ZBBX: variants seen among roughly 807,000 people sequenced by gnomAD.
The protein encoded by ZBBX is zinc finger B-box domain-containing protein 1.
Under a neutral mutation model 108.5 loss-of-function variants are expected in ZBBX, and 101 were observed. The ratio of observed to expected loss-of-function variants is 0.93; its 90% CI spans 0.79 to 1.10. The LOEUF (loss-of-function observed/expected upper bound fraction) is 1.10, where lower values mean the gene tolerates loss of function less well. ZBBX is among the 50% of genes least tolerant of loss of function. The pLI is 0.00. For synonymous variants in ZBBX, 356 were observed against 323.4 expected (o/e 1.10, Z -1.08); for missense variants, 1,009 against 941.4 (o/e 1.07, Z -0.94).
At chr3:167,356,879 A>G (rs943465806) in intron 8 of ZBBX, among the ~76,000 whole-genome samples, 9 of 152,176 alleles carry the variant, frequency 5.9e-5, no homozygotes, top group African/African-American at 2.2e-4. Flanking sequence ...CTCAGCTTTT[A>G]CTATTTTACA....
intron 2 of ZBBX, among the ~76,000 whole-genome samples, chr3:167,375,764 G>A (rs1337612972): frequency 6.6e-6 from 1 of 150,714 alleles, no homozygotes; most frequent in Non-Finnish European, 1.5e-5. Flanking sequence ...AACCTGAAAG[G>A]GTAGATCTTC....
At chr3:167,270,850 C>T (rs1398304220) in intron 20 of ZBBX, among the ~76,000 whole-genome samples, 1 of 152,208 alleles carries the variant, frequency 6.6e-6, no homozygotes, top group African/African-American at 2.4e-5. Context: ...CTCAACCCAG[C>T]AGGTTTCTTA....
At chr3:167,378,817 C>T (rs190235529) in intron 2 of ZBBX, among the ~76,000 whole-genome samples, 1 of 152,304 alleles carries the variant, frequency 6.6e-6, no homozygotes. Context: ...ATGCTCAATT[C>T]GAAGGCTGCC....
intron 8 of ZBBX, among the ~76,000 whole-genome samples, chr3:167,352,518 A>T (rs1675361946): frequency 1.3e-5 from 2 of 152,176 alleles, no homozygotes; most frequent in East Asian, 1.9e-4. Context: ...AAAAGCCAAG[A>T]TCAGACAGAT....
intron 11 of ZBBX, among the ~76,000 whole-genome samples, chr3:167,324,345 A>G (rs1394911221): frequency 1.3e-5 from 2 of 152,076 alleles, no homozygotes; most frequent in Admixed American, 1.3e-4. Context: ...AGGTCTCACT[A>G]CATTGCCCAG....
chr3:167,382,192 A>G (rs563347564), upstream of ZBBX, among the ~76,000 whole-genome samples: 1 of 152,344 alleles, frequency 6.6e-6, no homozygotes, highest in South Asian at 2.1e-4. Flanking sequence ...ATATTTAGAA[A>G]AATAGCTTAT....
chr3:167,384,676 A>T (rs1016501449), upstream of ZBBX, among the ~76,000 whole-genome samples: 2 of 152,076 alleles, frequency 1.3e-5, no homozygotes, highest in African/African-American at 4.8e-5. Context: ...TAGTATTGAG[A>T]GAGGCATTCA....
intron 9 of ZBBX, among the ~76,000 whole-genome samples, chr3:167,348,990 A>G: frequency 6.6e-6 from 1 of 152,064 alleles, no homozygotes; most frequent in Middle Eastern, 3.2e-3. Flanking sequence ...ACAATAAGCC[A>G]TATCACAGCA....
chr3:167,237,679 G>A (rs961400176), downstream of ZBBX, among the ~76,000 whole-genome samples: 44 of 151,986 alleles, frequency 2.9e-4, no homozygotes, highest in African/African-American at 1.0e-3. Context: ...GTGGTTATTG[G>A]AAGCAAATAA....
chr3:167,222,424 G>A, the ZBBX span, among the ~76,000 whole-genome samples: 2 of 151,778 alleles, frequency 1.3e-5, no homozygotes, highest in Non-Finnish European at 2.9e-5. Context: ...GGGTAGTGGA[G>A]GGTAGGAGGT....
chr3:167,322,492 C>T (rs1736610236), intron 11 of ZBBX, among the ~76,000 whole-genome samples: 1 of 151,886 alleles, frequency 6.6e-6, no homozygotes, highest in Non-Finnish European at 1.5e-5. Context: ...GTTAAAGCAA[C>T]TCATTCTTTT....
At chr3:167,274,952 G>A (rs916771657) in intron 20 of ZBBX, among the ~76,000 whole-genome samples, 19 of 152,142 alleles carry the variant, frequency 1.2e-4, no homozygotes, top group Admixed American at 3.3e-4. Context: ...AAAGAAAATT[G>A]CCTTGATGAG....
intron 9 of ZBBX, among the ~76,000 whole-genome samples, chr3:167,349,073 T>C (rs1742201220): frequency 6.6e-6 from 1 of 151,700 alleles, no homozygotes; most frequent in Non-Finnish European, 1.5e-5. Context: ...AAGAAGAAAA[T>C]CAAATTTGGA....
chr3:167,388,941 T>C (rs1160273722), intron 1 of ZBBX, among the ~76,000 whole-genome samples: 1 of 152,068 alleles, frequency 6.6e-6, no homozygotes, highest in Non-Finnish European at 1.5e-5. Flanking sequence ...TGTATTTCTA[T>C]TTTTGAGAAT....
rs183996428 is a variant in ZBBX, at chr3:167,302,592, C to T, written c.1725+3051G>A. On this transcript the variant is annotated intron_variant, in intron 17 of 21. Transcript: ENST00000675490. ...TTACTTATATGATTGGGTTTATTCC[C>T]GTCAGCTTTACTCTTTCTACTTGCT... is the stretch of plus-strand genomic sequence containing the variant. 2.8e-4 allele frequency among the ~76,000 whole-genome samples: 43 copies of T among 152,144 alleles called. 1 individual carries two copies. The highest frequency in any genetic ancestry group is 3.4e-3 in the Middle Eastern group (1 of 294).
In ZBBX at chr3:167,282,822, G is replaced by A. The variant is rs140322265; in HGVS notation, c.1997-327C>T. ...GAGAAACAACACACAATTTTATAAC[G>A]TATTCCAAAGCCAAGCACCACGACA... On this transcript the variant is annotated intron_variant, in intron 19 of 21. Coordinates refer to ENST00000675490, the MANE Select transcript of ZBBX (RefSeq NM_001199201.2). 2.4e-3 allele frequency among the ~76,000 whole-genome samples: 365 copies of A among 152,040 alleles called. 2 individuals are homozygous for A. Among genetic ancestry groups the A allele is most frequent in the African/African-American group, 7.3e-3 (304 of 41,456 alleles).
rs190578464 is a variant in ZBBX at position 167,333,861 on chromosome 3, G to C, written c.653C>G (p.Pro218Arg). Residue 218 changes from proline (P) to arginine (R), a missense_variant, in exon 10 of 22, where the codon CCC becomes CGC. Coordinates refer to ENST00000675490, the MANE Select transcript of ZBBX (RefSeq NM_001199201.2). ...TKETSKIQHK[P>R]KSVLLQRSSS... ...GCTCCTCTGGAGAAGTACAGATTTG[G>C]GTTTATGTTGAATTTTACTGGTTTC... 5 of 1,610,892 alleles carry C rather than the reference G, an allele frequency of 3.1e-6. No homozygotes were observed. In the South Asian group the frequency reaches 5.5e-5, roughly 18 times the overall value.
chr3:167,303,936 C>A (rs1390109432), intron 17 of ZBBX, among the ~76,000 whole-genome samples: 1 of 152,074 alleles, frequency 6.6e-6, no homozygotes, highest in Non-Finnish European at 1.5e-5. Context: ...GTCTTTGCTG[C>A]AATACAAGCA....
chr3:167,282,231 G>C lies in ZBBX; in HGVS notation c.2254+7C>G. 1.3e-6 allele frequency: 2 copies of C among 1,597,480 alleles called. No individual in the cohort carries two copies. Among genetic ancestry groups the C allele is most frequent in the South Asian group, 1.1e-5 (1 of 87,724 alleles). On this transcript the variant is annotated splice_region_variant and intron_variant, in intron 20 of 21. Transcript: ENST00000675490. ...ATTATCTAAAGTGAAAAAAAAAATA[G>C]GATTACCTGCAAGAGATCTCAGCAC...
Sources: allele counts gnomAD v4.1 joint callset (sites outside exome capture counted in the v4.1 genomes callset), GRCh38; gene constraint gnomAD v4.1.1; transcripts MANE v1.5; gene names NCBI Gene and HGNC (gene_info 2026-07-23, HGNC 2026-07-21).